The following ST18 variants were observed in gnomAD, a reference collection of about 807,000 sequenced individuals.
ST18 encodes ST18 C2H2C-type zinc finger transcription factor.
In ST18, 50 loss-of-function variants were observed where a neutral mutation model predicts 110.0. The observed-to-expected ratio is 0.45, with a 90% CI of 0.36 to 0.58. ST18 has a LOEUF of 0.58. Among genes scored for constraint, ST18 ranks in the 20% least tolerant of loss-of-function variants. ST18 has a pLI of 0.00. For synonymous variants in ST18, 461 were observed against 452.4 expected, an observed-to-expected ratio of 1.02 and a Z score of -0.24; for missense variants, 1,306 against 1,280.1, an observed-to-expected ratio of 1.02 and a Z score of -0.31.
chr8:52,310,615 C>A (rs1232798082), intron 2 of ST18, among the ~76,000 whole-genome samples: 1 of 143,970 alleles, frequency 6.9e-6, no homozygotes, highest in Non-Finnish European at 1.5e-5. Context: ...AAAGTCTACT[C>A]ATTTTTTTTG....
At chr8:52,377,126 G>GA (rs1225393418) in intron 2 of ST18, among the ~76,000 whole-genome samples, 2 of 152,230 alleles carry the variant, frequency 1.3e-5, no homozygotes, top group Non-Finnish European at 2.9e-5. Context: ...TTAGTACATG[G>GA]AAAAAATTGG....
At chr8:52,240,116 T>A (rs531602530) in intron 2 of ST18, among the ~76,000 whole-genome samples, 15 of 152,238 alleles carry the variant, frequency 9.9e-5, no homozygotes, top group Non-Finnish European at 1.5e-4. Context: ...TTAGCCTTTC[T>A]AATTGCATAA....
At chr8:52,228,457 G>T (rs923174262) in intron 3 of ST18, among the ~76,000 whole-genome samples, 1 of 152,120 alleles carries the variant, frequency 6.6e-6, no homozygotes, top group African/African-American at 2.4e-5. Context: ...TTTAAGCAAC[G>T]TGTGTTCATA....
intron 3 of ST18, among the ~76,000 whole-genome samples, chr8:52,223,432 C>A (rs62499760): frequency 0.12 from 17,597 of 151,980 alleles, 1,376 homozygotes; most frequent in Middle Eastern, 0.21. Flanking sequence ...TCACATGAGG[C>A]CAGGAGTTTG....
At chr8:52,308,030 A>G (rs999403368) in intron 2 of ST18, among the ~76,000 whole-genome samples, 4 of 152,204 alleles carry the variant, frequency 2.6e-5, no homozygotes, top group African/African-American at 9.7e-5. Flanking sequence ...GCCTTTTCTT[A>G]TCTCCCTGAT....
chr8:52,245,170 T>C (rs1005372746), intron 2 of ST18, among the ~76,000 whole-genome samples: 2 of 152,182 alleles, frequency 1.3e-5, no homozygotes, highest in African/African-American at 4.8e-5. Flanking sequence ...ATACCAAGTA[T>C]ACTATAGAAA....
At chr8:52,360,574 G>GA (rs1825288300) in intron 2 of ST18, among the ~76,000 whole-genome samples, 1 of 152,008 alleles carries the variant, frequency 6.6e-6, no homozygotes, top group Non-Finnish European at 1.5e-5. Flanking sequence ...TGAGAATATA[G>GA]AAAAAAGATC....
intron 2 of ST18, chr8:52,406,879 G>A (rs960735042): frequency 1.3e-5 from 2 of 152,210 alleles, no homozygotes; most frequent in African/African-American, 4.8e-5. Context: ...GTTAACAGGA[G>A]CCAAAGTCAT....
At chr8:52,194,075 C>T (rs2075420996) in intron 8 of ST18, among the ~76,000 whole-genome samples, 1 of 151,874 alleles carries the variant, frequency 6.6e-6, no homozygotes, top group Non-Finnish European at 1.5e-5. Flanking sequence ...CTAATAAATG[C>T]TTTTTTTTCT....
chr8:52,137,578 C>T (rs1018495901), intron 17 of ST18, 95 bp from the exon 18 acceptor site: 29 of 1,238,140 alleles, frequency 2.3e-5, no homozygotes, highest in Non-Finnish European at 2.8e-5. Flanking sequence ...CTTCTCTGTG[C>T]GAGATAAGTT....
rs780791404 is a variant in ST18 at position 52,172,399 on chromosome 8, G to A, written c.462C>T (p.Ile154=). 7.4e-6 allele frequency: 12 copies of A among 1,613,940 alleles called. No homozygotes were observed. The South Asian group carries it at 8.8e-5, about 12-fold the overall frequency. Residue 154 remains isoleucine (I), a synonymous_variant, in exon 10 of 26, where the codon ATC becomes ATT. Transcript: ENST00000689386. The part of the protein sequence containing the change: ...TVSENLNDSG[I]QSLKAESDEA... ...CATCGCTCTCTGCTTTTAAAGACTG[G>A]ATGCCACTGTCATTTAAATTTTCAC... is the stretch of plus-strand genomic sequence containing the variant.
At chr8:52,208,437 A>G (rs180755294) in intron 8 of ST18, among the ~76,000 whole-genome samples, 1 of 152,368 alleles carries the variant, frequency 6.6e-6, no homozygotes, top group East Asian at 1.9e-4. Context: ...AAAAGATGCT[A>G]AAAATATAAG....
At chr8:52,193,013 C>G (rs78744452) in intron 8 of ST18, among the ~76,000 whole-genome samples, 3,510 of 152,220 alleles carry the variant, frequency 0.023, 120 homozygotes, top group South Asian at 0.13. Flanking sequence ...AAGTGATCCA[C>G]TGGGGTATCT....
intron 2 of ST18, among the ~76,000 whole-genome samples, chr8:52,256,434 C>T (rs539951309): frequency 3.1e-4 from 47 of 152,288 alleles, no homozygotes; most frequent in African/African-American, 7.5e-4. Context: ...ACAATCACAG[C>T]GCACTGCAGC....
At chr8:52,336,846 G>T (rs1246772424) in intron 2 of ST18, among the ~76,000 whole-genome samples, 1 of 152,186 alleles carries the variant, frequency 6.6e-6, no homozygotes, top group Non-Finnish European at 1.5e-5. Flanking sequence ...ACTCCAGCGT[G>T]GTGTACGCAG....
chr8:52,193,733 G>T (rs1200166657), intron 8 of ST18, among the ~76,000 whole-genome samples: 1 of 152,190 alleles, frequency 6.6e-6, no homozygotes, highest in Non-Finnish European at 1.5e-5. Context: ...ACGGGCCACT[G>T]TAAATGACAA....
rs79903920 is a variant in ST18, at chr8:52,188,415, G to T, written c.87-8103C>A. 9.9e-5 allele frequency among the ~76,000 whole-genome samples: 15 copies of T among 152,282 alleles called. 1 individual carries two copies. In the South Asian group the frequency reaches 3.1e-3, roughly 32 times the overall value. On this transcript the variant is annotated intron_variant, in intron 8 of 25. Transcript: ENST00000689386. ...GGTGCAAGGGCCCTGAGATAGCACC[G>T]TGCAAGGCACATCTGAAGGCGAACA...
chr8:52,251,189 A>G (rs2094286418), intron 2 of ST18, among the ~76,000 whole-genome samples: 1 of 152,112 alleles, frequency 6.6e-6, no homozygotes, highest in Non-Finnish European at 1.5e-5. Context: ...AAAATAAAAT[A>G]AGTGTTTTTT....
At chr8:52,281,042 C>T (rs1293432408) in intron 2 of ST18, among the ~76,000 whole-genome samples, 4 of 151,648 alleles carry the variant, frequency 2.6e-5, no homozygotes, top group Non-Finnish European at 5.9e-5. Context: ...AAGTTAAAAC[C>T]ACACATTAAA....
Sources: gnomAD v4.1 joint callset for allele counts (sites outside exome capture counted in the v4.1 genomes callset) on GRCh38, gnomAD v4.1.1 for gene constraint, MANE v1.5 for transcripts, NCBI Gene and HGNC (gene_info 2026-07-23, HGNC 2026-07-21) for gene names.